The following ITGB3 variants were observed in gnomAD, a reference collection of about 807,000 sequenced individuals.
The protein encoded by ITGB3 is integrin beta-3.
ITGB3 carries 48 observed loss-of-function variants against 85.8 expected under a neutral mutation model. The ratio of observed to expected loss-of-function variants is 0.56; its 90% confidence interval spans 0.44 to 0.71. The LOEUF (loss-of-function observed/expected upper bound fraction) is 0.71. Among genes scored for constraint, ITGB3 ranks in the 30% least tolerant of loss-of-function variants. The probability of loss-of-function intolerance (pLI) is 0.00; values close to 1 mark genes in which losing one functional copy is unlikely to be tolerated. For missense variants in ITGB3, 861 were observed against 1,019.1 expected, an observed-to-expected ratio of 0.84 and a Z score of 2.11; for synonymous variants, 363 against 395.6, an observed-to-expected ratio of 0.92 and a Z score of 0.98.
At position 47,307,561 on chromosome 17, in the gene ITGB3, A is replaced by G; in HGVS notation, c.2225A>G (p.Lys742Arg). ...GGCCTTGCCGCCCTGCTCATCTGGA[A>G]ACTCCTCATCACCATCCACGACCGA... ...LIGLAALLIWKLLITIHDRKE... is the reference protein window; with the variant it reads ...LIGLAALLIWRLLITIHDRKE... Residue 742 changes from lysine (K) to arginine (R), a missense_variant, in exon 14 of 15, where the codon AAA becomes AGA. By Grantham distance (26) the Lys-to-Arg change is conservative (BLOSUM62 2). Transcript: ENST00000559488. 1 of 1,614,170 alleles carries G rather than the reference A, an allele frequency of 6.2e-7. No homozygotes were observed. The highest frequency in any genetic ancestry group is 8.5e-7 in the Non-Finnish European group (1 of 1,180,022).
chr17:47,289,625 A>G lies in ITGB3; in HGVS notation c.940-56A>G, dbSNP rs112309769. ...CCAAGCAAGATAAGTTCTAAGCTTT[A>G]GACCCTAGAGATGTACATGAGACGT... On this transcript the variant is annotated intron_variant, in intron 6 of 14. Transcript: ENST00000559488. 4.2e-3 allele frequency: 5,323 copies of G among 1,253,636 alleles called. 162 individuals carry two copies. In the African/African-American group the frequency reaches 0.069, roughly 16 times the overall value. 77.7% of individuals were successfully genotyped at this position (1,253,636 alleles called of 1,614,324 possible). A position where few individuals can be genotyped will look rare whatever the true frequency, so the allele number is the denominator to read the frequency against.
intron 1 of ITGB3, chr17:47,259,482 T>C (rs1029741520): frequency 6.6e-6 from 1 of 152,200 alleles, no homozygotes; most frequent in African/African-American, 2.4e-5. Context: ...TACCCCCCTC[T>C]CTCGGTTTTA....
At chr17:47,288,496 C>T (rs2065112875) in intron 6 of ITGB3, among the ~76,000 whole-genome samples, 1 of 152,156 alleles carries the variant, frequency 6.6e-6, no homozygotes, top group African/African-American at 2.4e-5. Context: ...CAGGTGTGAA[C>T]TCTTCGTCTC....
rs902952044 is a variant in ITGB3 at position 47,292,517 on chromosome 17, T to C, written c.1639T>C (p.Cys547Arg). 6.2e-7 allele frequency: 1 copy of C among 1,605,988 alleles called. No homozygotes were observed. Among genetic ancestry groups the C allele is most frequent in the African/African-American group, 1.3e-5 (1 of 74,938 alleles). Reference sequence around the variant, plus strand: ...CTTTGGCAAGATCACGGGCAAGTACTGCGAGTGTGACGACTTCTCCTGTGT... The same window carrying C: ...CTTTGGCAAGATCACGGGCAAGTACCGCGAGTGTGACGACTTCTCCTGTGT... ...SDFGKITGKY[C>R]ECDDFSCVRY... is the part of the protein sequence containing the mutation. Residue 547 changes from cysteine to arginine, a missense_variant, in exon 10 of 15, where the codon TGC becomes CGC. Coordinates refer to ENST00000559488, the MANE Select transcript of ITGB3 (RefSeq NM_000212.3).
intron 4 of ITGB3, 120 bp downstream of exon 4, chr17:47,284,815 C>G: frequency 2.2e-6 from 3 of 1,358,126 alleles, no homozygotes; most frequent in Non-Finnish European, 3.1e-6. Context: ...ACTATAGCTC[C>G]TTTCTACCTT....
chr17:47,289,990 G>A (rs2065118883), intron 7 of ITGB3, among the ~76,000 whole-genome samples, 195 bp from the exon 8 acceptor site: 1 of 152,164 alleles, frequency 6.6e-6, no homozygotes, highest in Non-Finnish European at 1.5e-5. Flanking sequence ...GGGAGGTGGT[G>A]AGGGGTGTGA....
intron 2 of ITGB3, among the ~76,000 whole-genome samples, chr17:47,280,603 C>T (rs1473688622): frequency 6.6e-6 from 1 of 152,176 alleles, no homozygotes; most frequent in African/African-American, 2.4e-5. Context: ...GTTATCCACC[C>T]GTGTCGGCCT....
At chr17:47,288,206 A>AAGAGAGAG (rs200536313) in intron 6 of ITGB3, among the ~76,000 whole-genome samples, 203 of 134,908 alleles carry the variant, frequency 1.5e-3, no homozygotes, top group Middle Eastern at 8.3e-3. Flanking sequence ...TTCTCTTAGA[A>AAGAGAGAG]AGAGAGAGAG....
At chr17:47,266,779 A>T (rs1198302763) in intron 1 of ITGB3, among the ~76,000 whole-genome samples, 1 of 152,054 alleles carries the variant, frequency 6.6e-6, no homozygotes. Context: ...TGGGGGTCTC[A>T]CTATGTTGCC....
At chr17:47,255,814 C>G (rs1422389671) in intron 1 of ITGB3, among the ~76,000 whole-genome samples, 2 of 152,120 alleles carry the variant, frequency 1.3e-5, no homozygotes, top group East Asian at 1.9e-4. Context: ...TAAAACAGAT[C>G]AGCTGATAGT....
At position 47,284,492 on chromosome 17, in the gene ITGB3, T is replaced by C. The variant is rs763182425; in HGVS notation, c.411T>C (p.Pro137=). 1 of 1,614,160 alleles carries C rather than the reference T, an allele frequency of 6.2e-7. No individual in the cohort carries two copies. The highest frequency in any genetic ancestry group is 8.5e-7 in the Non-Finnish European group (1 of 1,180,006). The change falls in exon 4 of 15, where the codon CCT becomes CCC. Residue 137 remains proline (P), a synonymous_variant. Transcript: ENST00000559488. The part of the protein sequence containing the change: ...SIQVRQVEDY[P]VDIYYLMDLS... The stretch of plus-strand genomic sequence containing the variant: ...AAGTGCGGCAGGTGGAGGATTACCC[T>C]GTGGACATCTACTACTTGATGGACC...
intron 1 of ITGB3, among the ~76,000 whole-genome samples, chr17:47,266,726 T>C (rs2065027064): frequency 6.6e-6 from 1 of 152,078 alleles, no homozygotes; most frequent in South Asian, 2.1e-4. Context: ...TGCTGGTGCA[T>C]GCTACCATGC....
At chr17:47,288,205 A>AG (rs1491264976) in intron 6 of ITGB3, among the ~76,000 whole-genome samples, 54 of 128,948 alleles carry the variant, frequency 4.2e-4, no homozygotes, top group Non-Finnish European at 8.0e-4. Context: ...CTTCTCTTAG[A>AG]AAGAGAGAGA....
intron 10 of ITGB3, among the ~76,000 whole-genome samples, chr17:47,294,964 T>C (rs1385559970): frequency 6.6e-6 from 1 of 152,288 alleles, no homozygotes; most frequent in East Asian, 1.9e-4. Context: ...GTCTTCATGG[T>C]TGCTCATGAT....
intron 1 of ITGB3, among the ~76,000 whole-genome samples, chr17:47,272,427 G>A (rs989710908): frequency 1.3e-5 from 2 of 151,736 alleles, no homozygotes; most frequent in African/African-American, 2.4e-5. Context: ...ACAGAGTCTC[G>A]CACTATTGCC....
chr17:47,272,467 C>T (rs1177657499), intron 1 of ITGB3, among the ~76,000 whole-genome samples: 3 of 151,798 alleles, frequency 2.0e-5, no homozygotes, highest in South Asian at 2.1e-4. Context: ...TGATCATTTC[C>T]GTTTTTATGG....
At chr17:47,277,420 G>T (rs1004407084) in intron 2 of ITGB3, among the ~76,000 whole-genome samples, 7 of 152,240 alleles carry the variant, frequency 4.6e-5, no homozygotes, top group African/African-American at 1.7e-4. Context: ...AGTTAAGGTT[G>T]CCAGATAAAT....
In ITGB3 at chr17:47,312,523, A is replaced by G. The variant is rs2065219488; in HGVS notation, c.*2319A>G. On this transcript the variant is annotated 3_prime_UTR_variant, in exon 15 of 15. Coordinates refer to ENST00000559488, the MANE Select transcript of ITGB3 (RefSeq NM_000212.3). ...GCTACTAAGACAGGTGTGGTGGCTC[A>G]CGCCTGTGATTATAATCTTCAGTTA... is the stretch of plus-strand genomic sequence containing the variant. 6.6e-6 allele frequency among the ~76,000 whole-genome samples: 1 copy of G among 152,232 alleles called. No homozygotes were observed. Among genetic ancestry groups the G allele is most frequent in the South Asian group, 2.1e-4 (1 of 4,838 alleles).
At position 47,310,657 on chromosome 17, in the gene ITGB3, T is replaced by A. The variant is rs2065210629; in HGVS notation, c.*453T>A. The A allele has an allele frequency of 4.0e-6, 1 of 253,142 alleles. No homozygotes were observed. The highest frequency in any genetic ancestry group is 7.9e-6 in the Non-Finnish European group (1 of 127,176). The allele number at this position is 253,142 out of a possible 1,614,324, so 15.7% of individuals were successfully genotyped here. A position where few individuals can be genotyped will look rare whatever the true frequency, so the allele number is the denominator to read the frequency against. ...AAGCCTTGGCTCTACCCTGAGTTCATAAATTTATGGTTCTCAGGCCTGACT... is the reference window on the plus strand; with the variant it reads ...AAGCCTTGGCTCTACCCTGAGTTCAAAAATTTATGGTTCTCAGGCCTGACT... On this transcript the variant is annotated 3_prime_UTR_variant, in exon 15 of 15. Transcript: ENST00000559488.
Sources: allele counts gnomAD v4.1 joint callset (sites outside exome capture counted in the v4.1 genomes callset), GRCh38; gene constraint gnomAD v4.1.1; transcripts MANE v1.5; gene names NCBI Gene and HGNC (gene_info 2026-07-23, HGNC 2026-07-21).